The following ATL2 variants were observed in gnomAD, a reference collection of about 807,000 sequenced individuals.
ATL2 encodes atlastin-2.
ATL2 carries 31 observed loss-of-function variants against 73.9 expected under a neutral mutation model. The observed-to-expected ratio is 0.42, with a 90% CI of 0.32 to 0.57. ATL2 has a LOEUF of 0.57. ATL2 is among the 20% of genes least tolerant of loss of function. The pLI, the probability that ATL2 is intolerant of heterozygous loss-of-function variation, is 0.14. For missense variants in ATL2, 738 were observed against 702.6 expected (o/e 1.05, Z -0.57); for synonymous variants, 291 against 237.5 (o/e 1.23, Z -2.07).
intron 9 of ATL2, 72 bp from the exon 10 acceptor site, chr2:38,300,400 T>C (rs893987969): frequency 1.1e-5 from 11 of 1,026,870 alleles, no homozygotes; most frequent in Non-Finnish European, 1.7e-5. Context: ...GAAAGAAAAG[T>C]CATTAAATAT....
intron 2 of ATL2, among the ~76,000 whole-genome samples, chr2:38,330,661 T>C (rs1259197771): frequency 2.0e-5 from 3 of 152,016 alleles, no homozygotes; most frequent in Admixed American, 6.6e-5. Flanking sequence ...CATAGTAACA[T>C]CAACAAAAGG....
At chr2:38,320,705 G>A (rs894026816) in intron 2 of ATL2, among the ~76,000 whole-genome samples, 8 of 152,152 alleles carry the variant, frequency 5.3e-5, no homozygotes, top group African/African-American at 1.9e-4. Flanking sequence ...CTTTGTTTCA[G>A]AAATACTTCT....
At chr2:38,365,762 G>A (rs897355915) in intron 1 of ATL2, among the ~76,000 whole-genome samples, 2 of 151,922 alleles carry the variant, frequency 1.3e-5, no homozygotes, top group South Asian at 4.2e-4. Flanking sequence ...TCATTCCTGG[G>A]TGACAGAATG....
At chr2:38,312,527 G>A (rs28627735) in intron 7 of ATL2, among the ~76,000 whole-genome samples, 162 of 152,134 alleles carry the variant, frequency 1.1e-3, no homozygotes, top group African/African-American at 3.8e-3. Context: ...TGGCCAACAT[G>A]GTGAAACCCC....
At chr2:38,350,775 C>T (rs1233016430) in intron 1 of ATL2, among the ~76,000 whole-genome samples, 1 of 151,392 alleles carries the variant, frequency 6.6e-6, no homozygotes, top group Non-Finnish European at 1.5e-5. Flanking sequence ...AAAAAAAAAC[C>T]AAAAAAGTCT....
chr2:38,334,064 C>G (rs1669160312), intron 2 of ATL2, among the ~76,000 whole-genome samples: 1 of 142,144 alleles, frequency 7.0e-6, no homozygotes, highest in South Asian at 2.2e-4. Flanking sequence ...GAGTCTCACT[C>G]TGTCACCCAG....
intron 1 of ATL2, chr2:38,376,535 C>G (rs1327197195): frequency 5.9e-6 from 1 of 170,662 alleles, no homozygotes; most frequent in South Asian, 1.9e-4. Context: ...GCCGAGGAGC[C>G]CCGAAACGCG....
intron 9 of ATL2, among the ~76,000 whole-genome samples, chr2:38,303,768 C>CA: frequency 6.6e-6 from 1 of 152,116 alleles, no homozygotes; most frequent in South Asian, 2.1e-4. Flanking sequence ...TATAGAACAC[C>CA]AAGCAGACTT....
intron 1 of ATL2, among the ~76,000 whole-genome samples, chr2:38,360,441 A>G (rs534166223): frequency 6.6e-6 from 1 of 151,910 alleles, no homozygotes; most frequent in Non-Finnish European, 1.5e-5. Context: ...ATGCACTACC[A>G]CAGTCAACTA....
rs1336632025 is a variant in ATL2, at chr2:38,294,228, T to C, written c.*1766A>G. On this transcript the variant is annotated 3_prime_UTR_variant, in exon 13 of 13. Coordinates refer to ENST00000378954, the MANE Select transcript of ATL2 (RefSeq NM_001135673.4). Reference sequence around the variant, plus strand: ...AATTCAGAGTTTTCACACATGCAACTCAACACCTGCATTCTCTTCGCTTAA... The same window carrying C: ...AATTCAGAGTTTTCACACATGCAACCCAACACCTGCATTCTCTTCGCTTAA... 6.6e-6 allele frequency among the ~76,000 whole-genome samples: 1 copy of C among 152,148 alleles called. No homozygotes were observed. Among genetic ancestry groups the C allele is most frequent in the Non-Finnish European group, 1.5e-5 (1 of 68,022 alleles).
At chr2:38,315,385 C>A (rs1348824520) in intron 4 of ATL2, 51 bp from the exon 5 acceptor site, 44 of 1,475,288 alleles carry the variant, frequency 3.0e-5, no homozygotes, top group Non-Finnish European at 3.9e-5. Flanking sequence ...GTTCTGAATA[C>A]CCAGCTTCTG....
At chr2:38,377,913 C>T (rs1294348997), upstream of ATL2, among the ~76,000 whole-genome samples, 4 of 152,138 alleles carry the variant, frequency 2.6e-5, no homozygotes, top group East Asian at 5.8e-4. Flanking sequence ...CTTATGAGAC[C>T]TTCCCCCATC....
rs1200338617 is a variant in ATL2, at chr2:38,325,657, CCAGT to C, written c.364-6642_364-6639del. Among the ~76,000 whole-genome samples the C allele has an allele frequency of 5.1e-3, 184 of 36,234 alleles. 1 individual carries two copies. Among genetic ancestry groups the C allele is most frequent in the African/African-American group, 0.02 (116 of 5,904 alleles). The allele number at this position is 36,234 out of a possible 152,430, so 23.8% of individuals were successfully genotyped here. A position where few individuals can be genotyped will look rare whatever the true frequency, so the allele number is the denominator to read the frequency against. ...ACACACACACACACACACACACACA[CCAGT>C]ACACACACACACACACACACACACA... On this transcript the variant is annotated intron_variant, in intron 2 of 12. Transcript: ENST00000378954.
chr2:38,306,772 G>C (rs1310126220), intron 9 of ATL2, among the ~76,000 whole-genome samples: 2 of 152,126 alleles, frequency 1.3e-5, no homozygotes. Flanking sequence ...GTATACAACA[G>C]ACCCACAGCT....
chr2:38,330,062 G>A (rs1254099501), intron 2 of ATL2, among the ~76,000 whole-genome samples: 1 of 152,002 alleles, frequency 6.6e-6, no homozygotes, highest in Non-Finnish European at 1.5e-5. Context: ...CCAGGAAGCA[G>A]AGGTTGCAGT....
chr2:38,334,864 T>TTATATAA (rs1558422779), intron 2 of ATL2, among the ~76,000 whole-genome samples: 6 of 34,746 alleles, frequency 1.7e-4, no homozygotes, highest in Admixed American at 1.2e-3. Context: ...TATTTATATA[T>TTATATAA]TATATAATAT....
intron 6 of ATL2, among the ~76,000 whole-genome samples, chr2:38,314,209 A>G (rs547600966): frequency 6.6e-6 from 1 of 152,314 alleles, no homozygotes. Flanking sequence ...TTCTATATGA[A>G]ACCAAAATAA....
chr2:38,348,003 G>C (rs180804626), intron 1 of ATL2, among the ~76,000 whole-genome samples: 80 of 151,582 alleles, frequency 5.3e-4, no homozygotes, highest in Non-Finnish European at 1.2e-4. Flanking sequence ...CTGACCTCAG[G>C]TGATCCACCC....
chr2:38,303,486 C>T (rs1269294734), intron 9 of ATL2, among the ~76,000 whole-genome samples: 1 of 152,048 alleles, frequency 6.6e-6, no homozygotes, highest in African/African-American at 2.4e-5. Flanking sequence ...GCCACCTCAC[C>T]CAGCCTCAGA....
Sources: allele counts gnomAD v4.1 joint callset (sites outside exome capture counted in the v4.1 genomes callset), GRCh38; gene constraint gnomAD v4.1.1; transcripts MANE v1.5; gene names NCBI Gene and HGNC (gene_info 2026-07-23, HGNC 2026-07-21).